The following COL10A1 variants were observed in gnomAD, a reference collection of about 807,000 sequenced individuals.
COL10A1 encodes collagen alpha-1(X) chain.
COL10A1 carries 10 observed loss-of-function variants against 18.2 expected under a neutral mutation model. The observed-to-expected ratio is 0.55, with a 90% CI of 0.34 to 0.93. COL10A1 has a LOEUF of 0.93. Among genes scored for constraint, COL10A1 ranks in the 40% least tolerant of loss-of-function variants. The pLI, the probability that COL10A1 is intolerant of heterozygous loss-of-function variation, is 0.02. For synonymous variants in COL10A1, 330 were observed against 316.6 expected, an observed-to-expected ratio of 1.04 and a Z score of -0.45; for missense variants, 897 against 853.5, an observed-to-expected ratio of 1.05 and a Z score of -0.64.
chr6:116,119,278 C>G lies in COL10A1; in HGVS notation c.*795G>C, dbSNP rs930126267. ...CCAGAAAATCATATCACATAAGATT[C>G]AATAAGGAATTAAAGAAATCAAATT... On this transcript the variant is annotated 3_prime_UTR_variant, in exon 3 of 3. Transcript: ENST00000651968. The G allele has an allele frequency of 5.9e-5, 9 of 152,504 alleles. No homozygotes were observed. Among genetic ancestry groups the G allele is most frequent in the African/African-American group, 2.2e-4 (9 of 41,426 alleles). 9.4% of individuals were successfully genotyped at this position (152,504 alleles called of 1,614,324 possible).
Position 116,121,631 on chromosome 6 carries a change from C to G in COL10A1, c.485G>C (p.Gly162Ala). 1 of 1,614,006 alleles carries G rather than the reference C, an allele frequency of 6.2e-7. No homozygotes were observed. Among genetic ancestry groups the G allele is most frequent in the Non-Finnish European group, 8.5e-7 (1 of 1,179,904 alleles). Residue 162 changes from glycine (G) to alanine (A), a missense_variant, in exon 3 of 3, where the codon GGA becomes GCA. Gly to Ala is a moderately conservative substitution (Grantham distance 60). Coordinates refer to ENST00000651968, the MANE Select transcript of COL10A1 (RefSeq NM_000493.4). ...CCTGGGTCCTGGGGCTCCTGTGGGT[C>G]CCTGTTGTCCAGGTTTTCCTGGCAC... ...ISVPGKPGQQ[G>A]PTGAPGPRGF...
the COL10A1 span, among the ~76,000 whole-genome samples, chr6:116,182,755 T>C: frequency 1.3e-5 from 2 of 149,358 alleles, no homozygotes; most frequent in Admixed American, 1.3e-4. Flanking sequence ...CTTGCTGATA[T>C]GTTTGAGTTC....
chr6:116,191,287 A>C, the COL10A1 span, among the ~76,000 whole-genome samples: 2 of 152,080 alleles, frequency 1.3e-5, no homozygotes, highest in Admixed American at 1.3e-4. Flanking sequence ...TTCAAGATGC[A>C]AAACAAGGAA....
At chr6:116,143,098 A>G (rs149747453) in intron 1 of COL10A1, among the ~76,000 whole-genome samples, 54 of 152,358 alleles carry the variant, frequency 3.5e-4, no homozygotes, top group African/African-American at 1.1e-3. Context: ...TAATATTTAG[A>G]AATAATATTA....
chr6:116,167,666 G>C, the COL10A1 span, among the ~76,000 whole-genome samples: 21 of 151,930 alleles, frequency 1.4e-4, no homozygotes, highest in African/African-American at 4.6e-4. Context: ...TTTTTAATTT[G>C]TTTGAATTGT....
At chr6:116,200,279 G>A in the COL10A1 span, among the ~76,000 whole-genome samples, 65 of 152,024 alleles carry the variant, frequency 4.3e-4, no homozygotes, top group African/African-American at 1.5e-3. Context: ...ACTATGTCAC[G>A]GTCAAGAGTA....
the COL10A1 span, among the ~76,000 whole-genome samples, chr6:116,179,172 G>T: frequency 1.3e-5 from 2 of 152,074 alleles, no homozygotes; most frequent in African/African-American, 4.8e-5. Flanking sequence ...CTTTATAGAA[G>T]AATTCTAGCT....
chr6:116,200,111 A>C, the COL10A1 span, among the ~76,000 whole-genome samples: 1 of 152,000 alleles, frequency 6.6e-6, no homozygotes, highest in African/African-American at 2.4e-5. Flanking sequence ...TTAATATAAC[A>C]TGAGAGTGGC....
the COL10A1 span, among the ~76,000 whole-genome samples, chr6:116,184,521 T>A: frequency 8.5e-5 from 13 of 152,058 alleles, no homozygotes; most frequent in African/African-American, 3.1e-4. Context: ...GATCCTGGCC[T>A]TTTTTTGTTG....
chr6:116,182,222 A>AGTGTGTGTGTGTGTGTGTGT, the COL10A1 span, among the ~76,000 whole-genome samples: 39 of 124,600 alleles, frequency 3.1e-4, no homozygotes, highest in African/African-American at 1.1e-3. Context: ...TTCCATGGAG[A>AGTGTGTGTGTGTGTGTGTGT]GTGTGTGTGT....
chr6:116,196,862 G>T, the COL10A1 span, among the ~76,000 whole-genome samples: 2 of 151,678 alleles, frequency 1.3e-5, no homozygotes, highest in Non-Finnish European at 1.5e-5. Context: ...TTCTTCATTA[G>T]ACAGGGAAAG....
chr6:116,158,508 C>T (rs895366442), intron 1 of COL10A1: 5 of 152,172 alleles, frequency 3.3e-5, no homozygotes, highest in Non-Finnish European at 5.9e-5. Context: ...TTTATCTCTT[C>T]AGAGAAATTA....
At chr6:116,163,145 T>A (rs1211079560), upstream of COL10A1, among the ~76,000 whole-genome samples, 2,406 of 76,046 alleles carry the variant, frequency 0.032, 33 homozygotes, top group African/African-American at 0.064. Context: ...AAAAAAAATA[T>A]ATATATATAT....
the COL10A1 span, among the ~76,000 whole-genome samples, chr6:116,212,466 G>A: frequency 1.4e-3 from 206 of 152,194 alleles, no homozygotes; most frequent in African/African-American, 4.7e-3. Flanking sequence ...ATCTTTATGT[G>A]TGTTCTGAAA....
chr6:116,195,810 G>A, the COL10A1 span, among the ~76,000 whole-genome samples: 2 of 152,008 alleles, frequency 1.3e-5, no homozygotes, highest in African/African-American at 4.8e-5. Context: ...CAGATGGTGG[G>A]ATTGTGGGTG....
chr6:116,177,157 A>C, the COL10A1 span, among the ~76,000 whole-genome samples: 1 of 152,226 alleles, frequency 6.6e-6, no homozygotes, highest in African/African-American at 2.4e-5. Flanking sequence ...ATAAAAATTA[A>C]GTCTTTTGTT....
chr6:116,203,603 C>T, the COL10A1 span, among the ~76,000 whole-genome samples: 1 of 151,886 alleles, frequency 6.6e-6, no homozygotes. Flanking sequence ...AACTACACCA[C>T]ATTTTATTTA....
At chr6:116,197,849 A>G in the COL10A1 span, among the ~76,000 whole-genome samples, 2 of 152,086 alleles carry the variant, frequency 1.3e-5, no homozygotes, top group Non-Finnish European at 2.9e-5. Flanking sequence ...AAGCGTTTAC[A>G]TGTACCAGAC....
chr6:116,181,110 A>G, the COL10A1 span, among the ~76,000 whole-genome samples: 132 of 152,184 alleles, frequency 8.7e-4, 1 homozygote, highest in Middle Eastern at 3.4e-3. Context: ...ACATATATAG[A>G]TGAAAAGATT....
Sources: gnomAD v4.1 joint callset for allele counts (sites outside exome capture counted in the v4.1 genomes callset) on GRCh38, gnomAD v4.1.1 for gene constraint, MANE v1.5 for transcripts, NCBI Gene and HGNC (gene_info 2026-07-23, HGNC 2026-07-21) for gene names.